SOX5: variants seen among roughly 807,000 people sequenced by gnomAD.
SOX5 encodes the protein transcription factor SOX-5.
Under a neutral mutation model 92.0 loss-of-function variants are expected in SOX5, and 9 were observed. The observed-to-expected ratio is 0.10, with a 90% CI of 0.06 to 0.17. The LOEUF (loss-of-function observed/expected upper bound fraction) is 0.17, where lower values mean the gene tolerates loss of function less well. Ranked by LOEUF, SOX5 falls within the 10% of genes least tolerant of loss-of-function variation. SOX5 has a pLI of 1.00. For missense variants in SOX5, 642 were observed against 944.5 expected (o/e 0.68, Z 4.20); for synonymous variants, 344 against 336.3 (o/e 1.02, Z -0.25).
chr12:23,844,334 T>C (rs2096551762), intron 3 of SOX5, among the ~76,000 whole-genome samples: 1 of 152,200 alleles, frequency 6.6e-6, no homozygotes, highest in South Asian at 2.1e-4. Flanking sequence ...TTGATAAATC[T>C]TAAGTGGATC....
intron 3 of SOX5, among the ~76,000 whole-genome samples, chr12:24,242,945 C>T (rs1360928098): frequency 2.0e-5 from 3 of 152,174 alleles, no homozygotes; most frequent in South Asian, 2.1e-4. Context: ...AATAACAGAA[C>T]ACAATCCTAA....
At chr12:24,110,268 A>G (rs2955544) in intron 4 of SOX5, among the ~76,000 whole-genome samples, 2 of 152,198 alleles carry the variant, frequency 1.3e-5, no homozygotes, top group Non-Finnish European at 2.9e-5. Context: ...CTCTAAAGAA[A>G]CCTAATGAGT....
chr12:23,691,336 T>A (rs1037575836), intron 6 of SOX5, among the ~76,000 whole-genome samples: 9 of 152,222 alleles, frequency 5.9e-5, no homozygotes, highest in Non-Finnish European at 1.2e-4. Flanking sequence ...GCAGAATATA[T>A]GTATTTTTCT....
intron 10 of SOX5, among the ~76,000 whole-genome samples, chr12:23,570,985 T>A (rs759078960): frequency 2.4e-4 from 28 of 117,218 alleles, no homozygotes; most frequent in South Asian, 8.6e-4. Context: ...ATATATATAT[T>A]TTCATATTTT....
At chr12:23,760,309 G>T (rs2094527490) in intron 3 of SOX5, among the ~76,000 whole-genome samples, 1 of 151,968 alleles carries the variant, frequency 6.6e-6, no homozygotes, top group African/African-American at 2.4e-5. Flanking sequence ...TAGAACAGAT[G>T]GAATACAAAA....
intron 3 of SOX5, among the ~76,000 whole-genome samples, chr12:23,757,018 T>A (rs2094407083): frequency 3.3e-5 from 5 of 151,412 alleles, no homozygotes; most frequent in Non-Finnish European, 5.9e-5. Context: ...CAATTTTCCT[T>A]GGAAAAAAAA....
chr12:24,277,550 T>TA (rs1944637256), intron 2 of SOX5, among the ~76,000 whole-genome samples: 2 of 64,978 alleles, frequency 3.1e-5, no homozygotes, highest in East Asian at 5.8e-4. Context: ...TGTATATAAA[T>TA]TTATATTTAT....
At chr12:24,244,486 A>G (rs897846435) in intron 3 of SOX5, among the ~76,000 whole-genome samples, 1 of 152,144 alleles carries the variant, frequency 6.6e-6, no homozygotes, top group Non-Finnish European at 1.5e-5. Context: ...CTCCTCACAT[A>G]GGCAGGAAAA....
intron 1 of SOX5, among the ~76,000 whole-genome samples, chr12:24,486,217 A>G (rs1464063434): frequency 6.6e-6 from 1 of 152,164 alleles, no homozygotes; most frequent in African/African-American, 2.4e-5. Flanking sequence ...GATTATAGAC[A>G]TAAGCCACTG....
At chr12:24,426,433 T>C (rs999728293) in intron 1 of SOX5, among the ~76,000 whole-genome samples, 20 of 152,236 alleles carry the variant, frequency 1.3e-4, no homozygotes, top group South Asian at 2.1e-4. Flanking sequence ...CTGCACGTTG[T>C]GCACATGCAC....
At chr12:23,918,854 T>C (rs1318594913) in intron 1 of SOX5, among the ~76,000 whole-genome samples, 1 of 151,082 alleles carries the variant, frequency 6.6e-6, no homozygotes, top group South Asian at 2.1e-4. Context: ...GAGGTGGAGG[T>C]TGCAGTGAGC....
chr12:23,892,215 C>T (rs1054547788), intron 2 of SOX5, among the ~76,000 whole-genome samples: 3 of 152,060 alleles, frequency 2.0e-5, no homozygotes, highest in African/African-American at 7.2e-5. Context: ...TCAGTGAAAG[C>T]ATCTAACCAA....
intron 2 of SOX5, among the ~76,000 whole-genome samples, chr12:24,308,035 A>AT (rs1395796753): frequency 6.6e-6 from 1 of 152,052 alleles, no homozygotes; most frequent in Non-Finnish European, 1.5e-5. Flanking sequence ...GAAAAAAAAA[A>AT]ACAGAAGCTG....
intron 1 of SOX5, among the ~76,000 whole-genome samples, chr12:24,396,827 C>T (rs540841678): frequency 1.1e-3 from 161 of 152,328 alleles, no homozygotes; most frequent in Admixed American, 2.1e-3. Context: ...TTTGTGGTGA[C>T]TGCAAAAATG....
chr12:24,430,665 T>A (rs147067853), intron 1 of SOX5, among the ~76,000 whole-genome samples: 527 of 152,254 alleles, frequency 3.5e-3, no homozygotes, highest in Middle Eastern at 6.8e-3. Flanking sequence ...TGTTGATGTA[T>A]AAGCAACTAT....
chr12:24,208,339 C>A (rs1194201095), intron 4 of SOX5, among the ~76,000 whole-genome samples: 4 of 152,196 alleles, frequency 2.6e-5, no homozygotes, highest in Admixed American at 2.6e-4. Flanking sequence ...TCCCCAAGTC[C>A]TGTGGAGTTA....
chr12:24,205,240 A>G (rs925307436), intron 4 of SOX5, among the ~76,000 whole-genome samples: 1 of 152,190 alleles, frequency 6.6e-6, no homozygotes. Flanking sequence ...TAGACACCAT[A>G]TATTACTCAA....
intron 4 of SOX5, among the ~76,000 whole-genome samples, chr12:24,171,239 T>TGGAGACAGAGTC (rs1954108390): frequency 7.5e-6 from 1 of 133,020 alleles, no homozygotes; most frequent in African/African-American, 2.8e-5. Flanking sequence ...GTTTTTTTTT[T>TGGAGACAGAGTC]TGGAGACAGA....
intron 4 of SOX5, among the ~76,000 whole-genome samples, chr12:24,037,927 C>A (rs920382429): frequency 1.3e-5 from 2 of 152,008 alleles, no homozygotes; most frequent in Non-Finnish European, 2.9e-5. Context: ...AAGATAGTAA[C>A]CGAAACTTGA....
Sources: gnomAD v4.1 joint callset for allele counts (sites outside exome capture counted in the v4.1 genomes callset) on GRCh38, gnomAD v4.1.1 for gene constraint, MANE v1.5 for transcripts, NCBI Gene and HGNC (gene_info 2026-07-23, HGNC 2026-07-21) for gene names.